The following EPHB1 variants were observed in gnomAD, a reference collection of about 807,000 sequenced individuals.
The protein encoded by EPHB1 is EPH receptor B1, also known as ephrin type-B receptor 1.
Under a neutral mutation model 94.4 loss-of-function variants are expected in EPHB1, and 30 were observed. The observed-to-expected ratio is 0.32, with a 90% CI of 0.24 to 0.43. The LOEUF is 0.43. EPHB1 is among the 20% of genes least tolerant of loss of function. The pLI is 1.00. For missense variants in EPHB1, 1,055 were observed against 1,308.3 expected, an observed-to-expected ratio of 0.81 and a Z score of 2.99; for synonymous variants, 522 against 489.1, an observed-to-expected ratio of 1.07 and a Z score of -0.89.
intron 12 of EPHB1, among the ~76,000 whole-genome samples, chr3:135,209,695 G>A (rs752209925): frequency 9.9e-5 from 15 of 152,246 alleles, no homozygotes; most frequent in Admixed American, 3.3e-4. Flanking sequence ...TTGTTGGGCT[G>A]GAATAGGGTG....
At chr3:135,124,753 T>C (rs571748170) in intron 4 of EPHB1, among the ~76,000 whole-genome samples, 1 of 151,780 alleles carries the variant, frequency 6.6e-6, no homozygotes, top group South Asian at 2.1e-4. Context: ...TATAAAATTT[T>C]CTCTGATAAG....
intron 6 of EPHB1, among the ~76,000 whole-genome samples, chr3:135,158,453 A>G (rs573306005): frequency 1.3e-5 from 2 of 152,186 alleles, no homozygotes; most frequent in South Asian, 4.1e-4. Flanking sequence ...ATTGATGGGC[A>G]TGGCTGGGTT....
intron 1 of EPHB1, among the ~76,000 whole-genome samples, chr3:134,907,316 TC>T (rs1258545958): frequency 6.6e-6 from 1 of 152,008 alleles, no homozygotes; most frequent in East Asian, 1.9e-4. Flanking sequence ...TAGGTAAGAG[TC>T]CACTAAATAA....
At chr3:135,050,463 A>G (rs1937138073) in intron 3 of EPHB1, among the ~76,000 whole-genome samples, 1 of 152,156 alleles carries the variant, frequency 6.6e-6, no homozygotes, top group African/African-American at 2.4e-5. Flanking sequence ...TGTTGTGGGC[A>G]TTGTCTTCCT....
intron 1 of EPHB1, among the ~76,000 whole-genome samples, chr3:134,921,311 A>C (rs1013650209): frequency 6.6e-6 from 1 of 151,670 alleles, no homozygotes; most frequent in Non-Finnish European, 1.5e-5. Context: ...CCTCCTCACC[A>C]CTGCCCACCC....
intron 3 of EPHB1, among the ~76,000 whole-genome samples, chr3:135,098,263 T>A (rs192285493): frequency 1.3e-5 from 2 of 152,194 alleles, no homozygotes; most frequent in African/African-American, 4.8e-5. Flanking sequence ...TACAAAACAT[T>A]GATAAAGTAC....
intron 1 of EPHB1, among the ~76,000 whole-genome samples, chr3:134,795,908 G>C (rs948811036): frequency 6.6e-6 from 1 of 152,216 alleles, no homozygotes; most frequent in Admixed American, 6.5e-5. Flanking sequence ...AAACTGGCTC[G>C]CGAGTCCCCC....
chr3:135,186,546 C>T (rs1942333954), intron 10 of EPHB1, among the ~76,000 whole-genome samples: 1 of 152,118 alleles, frequency 6.6e-6, no homozygotes, highest in African/African-American at 2.4e-5. Flanking sequence ...GCTCTGCTTT[C>T]CTTTTTTTCC....
chr3:134,995,010 G>GTGTGTGTA (rs1934943374), intron 3 of EPHB1, among the ~76,000 whole-genome samples: 1 of 151,962 alleles, frequency 6.6e-6, no homozygotes, highest in Admixed American at 6.6e-5. Flanking sequence ...GTGTGTGTGT[G>GTGTGTGTA]TGTGTATTTA....
At chr3:135,218,211 T>C (rs1041533326) in intron 12 of EPHB1, among the ~76,000 whole-genome samples, 1 of 152,100 alleles carries the variant, frequency 6.6e-6, no homozygotes, top group Non-Finnish European at 1.5e-5. Context: ...CCTGGTCCCC[T>C]GGAAATTCTG....
intron 1 of EPHB1, among the ~76,000 whole-genome samples, chr3:134,796,865 CCCATCTGGG>C (rs1282414486): frequency 2.0e-5 from 3 of 152,264 alleles, no homozygotes; most frequent in Non-Finnish European, 4.4e-5. Flanking sequence ...GCGCAGCGTT[CCCATCTGGG>C]AGCTCGCTCC....
chr3:135,132,106 G>T (rs776582237), intron 4 of EPHB1, among the ~76,000 whole-genome samples: 13 of 151,760 alleles, frequency 8.6e-5, no homozygotes, highest in Non-Finnish European at 1.3e-4. Context: ...GTGACTACAT[G>T]AACCTCTTCC....
intron 4 of EPHB1, among the ~76,000 whole-genome samples, chr3:135,128,331 G>A (rs1940286044): frequency 6.6e-6 from 1 of 152,236 alleles, no homozygotes; most frequent in South Asian, 2.1e-4. Flanking sequence ...CCAAGCCAAG[G>A]AGGCAATGCC....
chr3:135,088,003 A>C (rs2107789978), intron 3 of EPHB1, among the ~76,000 whole-genome samples: 1 of 152,334 alleles, frequency 6.6e-6, no homozygotes, highest in Admixed American at 6.5e-5. Flanking sequence ...AGGAACTCAG[A>C]GGGACTGAGA....
chr3:135,183,034 C>CTTTTCTTTTCTTTTCTTTTCT (rs10694308), intron 10 of EPHB1, among the ~76,000 whole-genome samples: 7 of 62,484 alleles, frequency 1.1e-4, no homozygotes, highest in Non-Finnish European at 2.3e-4. Flanking sequence ...TCTTTTCTTT[C>CTTTTCTTTTCTTTTCTTTTCT]TTTCTTTCTT....
At chr3:134,802,843 C>T (rs1055817939) in intron 1 of EPHB1, among the ~76,000 whole-genome samples, 4 of 152,224 alleles carry the variant, frequency 2.6e-5, no homozygotes, top group African/African-American at 9.6e-5. Flanking sequence ...ACTCACTCTC[C>T]AGCAAGCATG....
At chr3:135,057,853 T>G (rs1937389893) in intron 3 of EPHB1, among the ~76,000 whole-genome samples, 1 of 152,242 alleles carries the variant, frequency 6.6e-6, no homozygotes, top group Admixed American at 6.5e-5. Flanking sequence ...CTCCACCTGC[T>G]CAGGCCATTG....
chr3:134,925,261 T>A (rs548486794), intron 1 of EPHB1, among the ~76,000 whole-genome samples: 1 of 152,236 alleles, frequency 6.6e-6, no homozygotes, highest in South Asian at 2.1e-4. Flanking sequence ...TGTGAGCCCT[T>A]TGGAGTTGAT....
At chr3:135,201,452 T>C in intron 11 of EPHB1, 22 bp from the exon 12 acceptor site, 2 of 1,613,050 alleles carry the variant, frequency 1.2e-6, no homozygotes, top group Non-Finnish European at 1.7e-6. Context: ...TTGATCCCAA[T>C]GCCCTCTATG....
Sources: allele counts gnomAD v4.1 joint callset (sites outside exome capture counted in the v4.1 genomes callset), GRCh38; gene constraint gnomAD v4.1.1; transcripts MANE v1.5; gene names NCBI Gene and HGNC (gene_info 2026-07-23, HGNC 2026-07-21).